The following OTOGL variants were observed in gnomAD, a reference collection of about 807,000 sequenced individuals.
OTOGL encodes the protein otogelin-like protein.
A neutral mutation model predicts 318.5 loss-of-function variants in OTOGL; 285 were observed. The ratio of observed to expected loss-of-function variants is 0.89; its 90% CI spans 0.81 to 0.99. The LOEUF (loss-of-function observed/expected upper bound fraction) is 0.99, where lower values mean the gene tolerates loss of function less well. Among genes scored for constraint, OTOGL ranks in the 50% least tolerant of loss-of-function variants. OTOGL has a pLI of 0.00. For synonymous variants in OTOGL, 987 were observed against 936.5 expected (o/e 1.05, Z -0.99); for missense variants, 2,899 against 2,845.6 (o/e 1.02, Z -0.43).
At chr12:80,375,289 G>A (rs1208589100) in intron 57 of OTOGL, among the ~76,000 whole-genome samples, 1 of 152,140 alleles carries the variant, frequency 6.6e-6, no homozygotes, top group Non-Finnish European at 1.5e-5. Flanking sequence ...CTCAGCTAAT[G>A]ATAAATTATT....
At chr12:80,249,801 A>G (rs4402367) in intron 11 of OTOGL, among the ~76,000 whole-genome samples, 57,520 of 151,660 alleles carry the variant, frequency 0.38, 11,187 homozygotes, top group East Asian at 0.62. Flanking sequence ...AGACTGCTGT[A>G]CTAGCAATCA....
In OTOGL at chr12:80,261,646, G is replaced by T. The variant is rs191521854; in HGVS notation, c.1890-323G>T. Reference sequence around the variant, plus strand: ...AGGGAGAACTGTGAATCGTGGCTTTGATACTTAGCAGCTTAGTGTAATTTA... The same window carrying T: ...AGGGAGAACTGTGAATCGTGGCTTTTATACTTAGCAGCTTAGTGTAATTTA... On this transcript the variant is annotated intron_variant, in intron 18 of 58. Coordinates refer to ENST00000547103, the MANE Select transcript of OTOGL (RefSeq NM_001378609.3). Among the ~76,000 whole-genome samples, 109 of 152,190 alleles carry T rather than the reference G, an allele frequency of 7.2e-4. 1 individual carries two copies. Among genetic ancestry groups the T allele is most frequent in the Admixed American group, 8.5e-4 (13 of 15,264 alleles).
intron 44 of OTOGL, among the ~76,000 whole-genome samples, chr12:80,349,826 G>A (rs948504849): frequency 1.3e-5 from 2 of 152,110 alleles, no homozygotes. Context: ...AGATAAAATT[G>A]TATGTGTTTA....
At chr12:80,335,875 C>A in intron 38 of OTOGL, 88 bp from the exon 39 acceptor site, 1 of 1,230,092 alleles carries the variant, frequency 8.1e-7, no homozygotes, top group Non-Finnish European at 1.1e-6. Context: ...TAAATGTACA[C>A]CATGGGCAAT....
At chr12:80,256,532 A>G in intron 17 of OTOGL, 72 bp downstream of exon 17, 1 of 843,726 alleles carries the variant, frequency 1.2e-6, no homozygotes, top group East Asian at 3.6e-5. Flanking sequence ...AACACACGCA[A>G]ACAAAATGGG....
chr12:80,160,050 GA>G (rs1280026327), intron 1 of OTOGL, among the ~76,000 whole-genome samples: 3 of 152,028 alleles, frequency 2.0e-5, no homozygotes, highest in African/African-American at 7.2e-5. Flanking sequence ...TCACATGTAA[GA>G]GAAAGAAACT....
chr12:80,266,664 C>T, intron 21 of OTOGL, 48 bp downstream of exon 21: 1 of 1,542,742 alleles, frequency 6.5e-7, no homozygotes, highest in South Asian at 1.2e-5. Context: ...ATCTCTTTTT[C>T]TCCTTACGGG....
chr12:80,211,980 GCT>G lies in OTOGL; in HGVS notation c.154_155del (p.Leu52PhefsTer6). On this transcript the variant is annotated frameshift_variant, in exon 4 of 59. Coordinates refer to ENST00000547103, the MANE Select transcript of OTOGL (RefSeq NM_001378609.3). LOFTEE classifies it high-confidence loss of function. ...GTTTAATGAAAATCGACAGAAAAGAGCTCTTTTAGCAGCACAGGTAGGTTATG... is the reference window on the plus strand; with the variant it reads ...GTTTAATGAAAATCGACAGAAAAGAGCTTTTAGCAGCACAGGTAGGTTATG... Reference protein sequence around the residue: ...NGFNENRQKRALLAAQFEATS... With the variant: ...NGFNENRQKRXLLAAQFEATS... 1 of 1,577,660 alleles carries G rather than the reference GCT, an allele frequency of 6.3e-7. No individual in the cohort carries two copies. Among genetic ancestry groups the G allele is most frequent in the Non-Finnish European group, 8.6e-7 (1 of 1,168,382 alleles).
intron 26 of OTOGL, among the ~76,000 whole-genome samples, chr12:80,295,942 C>T (rs1885360790): frequency 1.0e-5 from 1 of 97,958 alleles, no homozygotes; most frequent in African/African-American, 3.2e-5. Flanking sequence ...GAAACCTATC[C>T]ATTAAACTGG....
intron 3 of OTOGL, 72 bp from the exon 4 acceptor site, chr12:80,211,877 C>A: frequency 8.2e-7 from 1 of 1,226,032 alleles, no homozygotes; most frequent in South Asian, 1.4e-5. Context: ...AACACCAGCT[C>A]TCTCTTGGGA....
In OTOGL at chr12:80,343,602, C is replaced by T. The variant is rs920861825; in HGVS notation, c.5265+1440C>T. ...GTTCTAGCAGGGGAGTGCTGCTACT[C>T]GTATACCCTTGACCAAAGGCCGGTC... On this transcript the variant is annotated intron_variant, in intron 44 of 58. Coordinates refer to ENST00000547103, the MANE Select transcript of OTOGL (RefSeq NM_001378609.3). 7.8e-5 allele frequency: 10 copies of T among 128,424 alleles called. No individual in the cohort carries two copies. In the East Asian group the frequency reaches 1.6e-3, roughly 20 times the overall value. The allele number at this position is 128,424 out of a possible 1,614,324, so 8.0% of individuals were successfully genotyped here. A position where few individuals can be genotyped will look rare whatever the true frequency, so the allele number is the denominator to read the frequency against.
intron 50 of OTOGL, 21 bp downstream of exon 50, chr12:80,358,370 C>A: frequency 1.3e-6 from 2 of 1,519,748 alleles, no homozygotes; most frequent in South Asian, 2.3e-5. Flanking sequence ...ATTAACTATT[C>A]TAAAATATTT....
At chr12:80,161,365 C>CT (rs2137194022) in intron 1 of OTOGL, among the ~76,000 whole-genome samples, 1 of 152,010 alleles carries the variant, frequency 6.6e-6, no homozygotes, top group Non-Finnish European at 1.5e-5. Context: ...AAAAAATTAC[C>CT]TAATGTTGAA....
chr12:80,244,263 G>A (rs1880662207), intron 11 of OTOGL, among the ~76,000 whole-genome samples: 1 of 149,342 alleles, frequency 6.7e-6, no homozygotes, highest in Non-Finnish European at 1.5e-5. Flanking sequence ...CTGGTGCGCT[G>A]CACCCACTAA....
At chr12:80,174,825 G>A (rs137952656) in intron 1 of OTOGL, among the ~76,000 whole-genome samples, 41 of 152,186 alleles carry the variant, frequency 2.7e-4, no homozygotes, top group African/African-American at 8.4e-4. Context: ...CCTTGAAGGT[G>A]TGGCTTAATT....
At chr12:80,314,882 G>A (rs996631807) in intron 32 of OTOGL, among the ~76,000 whole-genome samples, 7 of 152,032 alleles carry the variant, frequency 4.6e-5, no homozygotes, top group Non-Finnish European at 7.4e-5. Context: ...CTTTCTTTTA[G>A]CTATTCATTC....
intron 31 of OTOGL, among the ~76,000 whole-genome samples, chr12:80,313,888 C>A (rs2137804363): frequency 6.6e-6 from 1 of 152,100 alleles, no homozygotes; most frequent in African/African-American, 2.4e-5. Flanking sequence ...TATTTAAATA[C>A]CATCCTTAGA....
intron 7 of OTOGL, among the ~76,000 whole-genome samples, chr12:80,226,759 A>G (rs553945755): frequency 6.6e-6 from 1 of 152,266 alleles, no homozygotes; most frequent in East Asian, 1.9e-4. Context: ...CAGTGTTTGT[A>G]GTGGTGATTA....
intron 54 of OTOGL, 106 bp from the exon 55 acceptor site, chr12:80,368,099 G>T: frequency 1.2e-6 from 1 of 809,574 alleles, no homozygotes; most frequent in South Asian, 1.9e-5. Flanking sequence ...AATCCTTACA[G>T]TTGTCTGGAA....
Sources: gnomAD v4.1 joint callset for allele counts (sites outside exome capture counted in the v4.1 genomes callset) on GRCh38, gnomAD v4.1.1 for gene constraint, MANE v1.5 for transcripts, NCBI Gene and HGNC (gene_info 2026-07-23, HGNC 2026-07-21) for gene names.